CTNND2: variants seen among roughly 807,000 people sequenced by gnomAD.
CTNND2 encodes catenin delta-2.
CTNND2 carries 22 observed loss-of-function variants against 144.4 expected under a neutral mutation model. The observed-to-expected ratio is 0.15, with a 90% CI of 0.11 to 0.22. The LOEUF is 0.22. Among genes scored for constraint, CTNND2 ranks in the 10% least tolerant of loss-of-function variants. The pLI is 1.00. For missense variants in CTNND2, 1,353 were observed against 1,618.8 expected (o/e 0.84, Z 2.82); for synonymous variants, 751 against 695.6 (o/e 1.08, Z -1.25).
At chr5:11,651,428 A>G (rs748504922) in intron 2 of CTNND2, among the ~76,000 whole-genome samples, 2 of 152,220 alleles carry the variant, frequency 1.3e-5, no homozygotes, top group Non-Finnish European at 2.9e-5. Flanking sequence ...AACTTCTACT[A>G]GGGGAGTGTG....
Position 11,708,332 on chromosome 5 carries a change from AG to A in CTNND2, c.174+23803del, listed in dbSNP as rs1785833098. ...ATATATAATGTGCGTCAGTTTGCTA[AG>A]GAAAAAAGCAATTAAACATTACCAA... On this transcript the variant is annotated intron_variant, in intron 2 of 21. Coordinates refer to ENST00000304623, the MANE Select transcript of CTNND2 (RefSeq NM_001332.4). Among the ~76,000 whole-genome samples the A allele has an allele frequency of 2.0e-5, 3 of 152,288 alleles. No homozygotes were observed. In the South Asian group the frequency reaches 6.2e-4, roughly 32 times the overall value.
chr5:11,461,660 G>A (rs1310772913), intron 3 of CTNND2, among the ~76,000 whole-genome samples: 3 of 152,146 alleles, frequency 2.0e-5, no homozygotes, highest in African/African-American at 7.2e-5. Flanking sequence ...TAAACTCATG[G>A]ACTTTCCAAG....
At chr5:11,573,341 C>T (rs1453795643) in intron 2 of CTNND2, among the ~76,000 whole-genome samples, 1 of 152,120 alleles carries the variant, frequency 6.6e-6, no homozygotes, top group Non-Finnish European at 1.5e-5. Flanking sequence ...CAATTAATAC[C>T]ATTGAGTATG....
At chr5:11,155,282 T>G (rs1473749645) in intron 12 of CTNND2, among the ~76,000 whole-genome samples, 1 of 152,166 alleles carries the variant, frequency 6.6e-6, no homozygotes, top group African/African-American at 2.4e-5. Flanking sequence ...AAAACTGAAT[T>G]GATTTCAAGG....
intron 1 of CTNND2, among the ~76,000 whole-genome samples, chr5:11,748,554 T>C (rs1024603103): frequency 6.6e-6 from 1 of 152,148 alleles, no homozygotes; most frequent in African/African-American, 2.4e-5. Flanking sequence ...CAATTTGTTT[T>C]CTGTTTTCTT....
At chr5:11,429,386 A>T (rs1056921668) in intron 3 of CTNND2, among the ~76,000 whole-genome samples, 2 of 152,242 alleles carry the variant, frequency 1.3e-5, no homozygotes, top group African/African-American at 4.8e-5. Flanking sequence ...AGAACTCATC[A>T]GCAGCAGCTG....
chr5:11,703,870 A>G lies in CTNND2; in HGVS notation c.174+28266T>C, dbSNP rs528614057. On this transcript the variant is annotated intron_variant, in intron 2 of 21. Coordinates refer to ENST00000304623, the MANE Select transcript of CTNND2 (RefSeq NM_001332.4). ...TATCTCTGATCAGAATCACTTAGTAACTAAAATAGTTAAGAAGGTGCAAAG... is the reference window on the plus strand; with the variant it reads ...TATCTCTGATCAGAATCACTTAGTAGCTAAAATAGTTAAGAAGGTGCAAAG... Among the ~76,000 whole-genome samples, 20 of 152,332 alleles carry G rather than the reference A, an allele frequency of 1.3e-4. No individual in the cohort carries two copies. In the South Asian group the frequency reaches 3.1e-3, roughly 24 times the overall value.
chr5:11,480,642 ATATATG>A (rs1032897892), intron 3 of CTNND2, among the ~76,000 whole-genome samples: 16 of 80,502 alleles, frequency 2.0e-4, no homozygotes, highest in Admixed American at 7.8e-4. Context: ...TTGAAAATAC[ATATATG>A]TGTGTGTGTG....
intron 3 of CTNND2, among the ~76,000 whole-genome samples, chr5:11,500,056 C>T (rs563576380): frequency 1.5e-3 from 227 of 152,100 alleles, no homozygotes; most frequent in Admixed American, 3.9e-3. Context: ...ATGAAGAGTA[C>T]GATCAATGAA....
intron 9 of CTNND2, among the ~76,000 whole-genome samples, chr5:11,327,788 T>C (rs1752681967): frequency 6.6e-6 from 1 of 152,194 alleles, no homozygotes; most frequent in Non-Finnish European, 1.5e-5. Context: ...CCAGGGATCT[T>C]GATAAAATGC....
chr5:11,766,579 G>GT (rs1789600469), intron 1 of CTNND2, among the ~76,000 whole-genome samples: 1 of 152,172 alleles, frequency 6.6e-6, no homozygotes. Flanking sequence ...ACATAGAACT[G>GT]TAAGTCCACT....
At chr5:11,474,659 C>A (rs571619192) in intron 3 of CTNND2, among the ~76,000 whole-genome samples, 1 of 152,122 alleles carries the variant, frequency 6.6e-6, no homozygotes, top group Non-Finnish European at 1.5e-5. Flanking sequence ...CTTGAAGCAC[C>A]ATTGTGAATA....
At chr5:11,639,349 C>T (rs966752717) in intron 2 of CTNND2, among the ~76,000 whole-genome samples, 4 of 152,098 alleles carry the variant, frequency 2.6e-5, no homozygotes, top group Admixed American at 1.3e-4. Context: ...GTTGGAAACT[C>T]GGAACCCACC....
chr5:11,422,919 G>A (rs148277975), intron 3 of CTNND2, among the ~76,000 whole-genome samples: 29 of 152,262 alleles, frequency 1.9e-4, no homozygotes, highest in African/African-American at 5.8e-4. Context: ...TTCTCACACC[G>A]TAGCTCCTTC....
At chr5:11,562,376 T>G (rs183618595) in intron 3 of CTNND2, among the ~76,000 whole-genome samples, 1 of 152,294 alleles carries the variant, frequency 6.6e-6, no homozygotes, top group East Asian at 1.9e-4. Flanking sequence ...AATGAAAACT[T>G]GAATTTCTAA....
chr5:11,618,723 C>T (rs1196638433), intron 2 of CTNND2, among the ~76,000 whole-genome samples: 1 of 152,160 alleles, frequency 6.6e-6, no homozygotes, highest in East Asian at 1.9e-4. Flanking sequence ...AGTCATGTCA[C>T]TTTATTCTAC....
intron 12 of CTNND2, among the ~76,000 whole-genome samples, chr5:11,137,817 G>A (rs898504127): frequency 1.3e-5 from 2 of 152,188 alleles, no homozygotes; most frequent in Admixed American, 1.3e-4. Context: ...ATCTGGATAT[G>A]AAATTAGAGG....
rs560939524 is a variant in CTNND2, at chr5:11,697,594, C to T, written c.174+34542G>A. On this transcript the variant is annotated intron_variant, in intron 2 of 21. Coordinates refer to ENST00000304623, the MANE Select transcript of CTNND2 (RefSeq NM_001332.4). ...TACATCAATCTATTCAAGAACCCCG[C>T]CTTATGAGGTGATATTATGCCCACT... Among the ~76,000 whole-genome samples the T allele has an allele frequency of 3.3e-5, 5 of 152,284 alleles. No individual in the cohort carries two copies. In the South Asian group the frequency reaches 1.0e-3, roughly 32 times the overall value.
intron 9 of CTNND2, among the ~76,000 whole-genome samples, chr5:11,294,312 T>C (rs559261762): frequency 8.9e-4 from 135 of 152,184 alleles, no homozygotes; most frequent in Non-Finnish European, 1.7e-3. Context: ...GGAATACACA[T>C]AAAGCCCATC....
Sources: allele counts gnomAD v4.1 joint callset (sites outside exome capture counted in the v4.1 genomes callset), GRCh38; gene constraint gnomAD v4.1.1; transcripts MANE v1.5; gene names NCBI Gene and HGNC (gene_info 2026-07-23, HGNC 2026-07-21).